Variants in SEMA6D observed in about 807,000 individuals in gnomAD.
The protein encoded by SEMA6D is semaphorin-6D.
A neutral mutation model predicts 106.6 loss-of-function variants in SEMA6D; 35 were observed. That is an observed-to-expected ratio of 0.33 (90% CI 0.25 to 0.44). SEMA6D has a LOEUF of 0.44. Among genes scored for constraint, SEMA6D ranks in the 20% least tolerant of loss-of-function variants. The pLI is 1.00. For missense variants in SEMA6D, 1,185 were observed against 1,345.9 expected, an observed-to-expected ratio of 0.88 and a Z score of 1.87; for synonymous variants, 499 against 487.7, an observed-to-expected ratio of 1.02 and a Z score of -0.31.
At chr15:47,635,943 C>T (rs1596495111) in intron 4 of SEMA6D, among the ~76,000 whole-genome samples, 2 of 129,744 alleles carry the variant, frequency 1.5e-5, no homozygotes, top group Non-Finnish European at 3.2e-5. Flanking sequence ...TAAAAATTCA[C>T]GAAACTTAAA....
chr15:47,323,651 C>T (rs1257070813), intron 1 of SEMA6D, among the ~76,000 whole-genome samples: 1 of 152,108 alleles, frequency 6.6e-6, no homozygotes, highest in South Asian at 2.1e-4. Context: ...TTTAAACTAT[C>T]CTTGGCTTGA....
At chr15:47,622,410 A>T (rs915961542) in intron 4 of SEMA6D, among the ~76,000 whole-genome samples, 6 of 152,290 alleles carry the variant, frequency 3.9e-5, no homozygotes, top group Admixed American at 3.9e-4. Flanking sequence ...TGCTAAAGCC[A>T]GGAAATTCAG....
At chr15:47,552,277 C>T (rs1016868641) in intron 3 of SEMA6D, among the ~76,000 whole-genome samples, 2 of 151,720 alleles carry the variant, frequency 1.3e-5, no homozygotes, top group Non-Finnish European at 2.9e-5. Flanking sequence ...ACCATGGTTG[C>T]AATTGTGTGA....
Position 47,455,173 on chromosome 15 carries a change from G to A in SEMA6D, c.-158-15301G>A, listed in dbSNP as rs574852627. On this transcript the variant is annotated intron_variant, in intron 2 of 19. Coordinates refer to the SEMA6D transcript ENST00000558014. ...AGGCATTAGAAGGAGGGAGGATTAG[G>A]AGACCATAATTGGAGGAAGAATAAC... is the stretch of plus-strand genomic sequence containing the variant. Among the ~76,000 whole-genome samples the A allele has an allele frequency of 3.3e-5, 5 of 151,870 alleles. No homozygotes were observed. In the South Asian group the frequency reaches 6.2e-4, roughly 19 times the overall value.
intron 4 of SEMA6D, among the ~76,000 whole-genome samples, chr15:47,707,756 A>G (rs928015222): frequency 3.9e-5 from 6 of 152,160 alleles, no homozygotes; most frequent in African/African-American, 1.4e-4. Flanking sequence ...CCCGCTGTCT[A>G]CTGAAGTAAC....
At chr15:47,642,505 G>A (rs148190545) in intron 4 of SEMA6D, among the ~76,000 whole-genome samples, 31 of 152,166 alleles carry the variant, frequency 2.0e-4, no homozygotes, top group East Asian at 3.9e-4. Context: ...ATGCCTTTTC[G>A]GACACCCAGA....
At chr15:47,485,905 G>T (rs1344064769) in intron 3 of SEMA6D, among the ~76,000 whole-genome samples, 1 of 152,172 alleles carries the variant, frequency 6.6e-6, no homozygotes, top group Non-Finnish European at 1.5e-5. Context: ...TAATAACATT[G>T]CTTATTTTAA....
intron 3 of SEMA6D, among the ~76,000 whole-genome samples, chr15:47,572,208 G>A (rs986818877): frequency 4.6e-5 from 7 of 152,188 alleles, no homozygotes; most frequent in African/African-American, 1.7e-4. Flanking sequence ...TTCTTAAAAT[G>A]TGTCTGTAAT....
At chr15:47,483,908 C>G (rs2043221913) in intron 3 of SEMA6D, among the ~76,000 whole-genome samples, 1 of 152,086 alleles carries the variant, frequency 6.6e-6, no homozygotes, top group South Asian at 2.1e-4. Context: ...TGAAAATGCC[C>G]TGCTTCGTTT....
At chr15:47,565,771 G>A (rs936377071) in intron 3 of SEMA6D, among the ~76,000 whole-genome samples, 2 of 152,138 alleles carry the variant, frequency 1.3e-5, no homozygotes, top group South Asian at 2.1e-4. Flanking sequence ...TTCCAGAAAA[G>A]TAGAATTGGA....
chr15:47,593,130 C>T (rs759128628), intron 3 of SEMA6D, among the ~76,000 whole-genome samples: 16 of 152,058 alleles, frequency 1.1e-4, no homozygotes, highest in Admixed American at 2.0e-4. Context: ...TCTGGCTGGG[C>T]GCAGTGGCTC....
intron 1 of SEMA6D, among the ~76,000 whole-genome samples, chr15:47,738,856 G>A (rs924842044): frequency 6.6e-6 from 1 of 152,152 alleles, no homozygotes; most frequent in East Asian, 1.9e-4. Context: ...GTAGGTGAGG[G>A]GGGCTCCAGG....
At chr15:47,485,445 A>G (rs995982832) in intron 3 of SEMA6D, among the ~76,000 whole-genome samples, 22 of 152,188 alleles carry the variant, frequency 1.4e-4, no homozygotes, top group African/African-American at 5.3e-4. Flanking sequence ...AAAAAAATGA[A>G]GATCACCAGG....
intron 1 of SEMA6D, among the ~76,000 whole-genome samples, chr15:47,410,797 C>T (rs530384055): frequency 6.6e-6 from 1 of 152,270 alleles, no homozygotes; most frequent in Admixed American, 6.5e-5. Context: ...TTTGAAAACA[C>T]CCATTCTCAA....
intron 3 of SEMA6D, among the ~76,000 whole-genome samples, chr15:47,530,371 G>A (rs2142053448): frequency 6.6e-6 from 1 of 152,250 alleles, no homozygotes; most frequent in East Asian, 1.9e-4. Context: ...ATTTCATTCT[G>A]AATACCACAT....
At chr15:47,675,615 C>T (rs912771567) in intron 4 of SEMA6D, among the ~76,000 whole-genome samples, 3 of 152,134 alleles carry the variant, frequency 2.0e-5, no homozygotes, top group African/African-American at 7.2e-5. Flanking sequence ...CCCTAAGAGG[C>T]ATTGATATCA....
At chr15:47,348,711 A>ACACACC (rs1363937986) in intron 1 of SEMA6D, among the ~76,000 whole-genome samples, 1 of 86,526 alleles carries the variant, frequency 1.2e-5, no homozygotes, top group Non-Finnish European at 2.3e-5. Flanking sequence ...ACACACACAC[A>ACACACC]CACACACCAC....
chr15:47,289,411 A>G (rs866565939), intron 1 of SEMA6D, among the ~76,000 whole-genome samples: 14 of 151,636 alleles, frequency 9.2e-5, no homozygotes, highest in African/African-American at 2.7e-4. Context: ...AAAAAAAAAA[A>G]AAAAAGAAAA....
chr15:47,478,814 T>G (rs907850274), intron 3 of SEMA6D, among the ~76,000 whole-genome samples: 68 of 152,120 alleles, frequency 4.5e-4, no homozygotes, highest in African/African-American at 1.5e-3. Context: ...TTTAATGGAC[T>G]CACAGTTCCA....
Sources: allele counts gnomAD v4.1 joint callset (sites outside exome capture counted in the v4.1 genomes callset), GRCh38; gene constraint gnomAD v4.1.1; transcripts MANE v1.5; gene names NCBI Gene and HGNC (gene_info 2026-07-23, HGNC 2026-07-21).